Variants in MAST4 observed in about 807,000 individuals in gnomAD.
The protein encoded by MAST4 is microtubule-associated serine/threonine-protein kinase 4.
In MAST4, 89 loss-of-function variants were observed where a neutral mutation model predicts 162.7. The ratio of observed to expected loss-of-function variants is 0.55; its 90% CI spans 0.46 to 0.65. MAST4 has a LOEUF of 0.65. Among genes scored for constraint, MAST4 ranks in the 30% least tolerant of loss-of-function variants. MAST4 has a pLI of 0.00. For synonymous variants in MAST4, 1,479 were observed against 1,361.1 expected (o/e 1.09, Z -1.91); for missense variants, 3,153 against 3,374.0 (o/e 0.93, Z 1.62).
chr5:66,698,879 AC>A (rs1344096323), intron 1 of MAST4, among the ~76,000 whole-genome samples: 2 of 151,962 alleles, frequency 1.3e-5, no homozygotes, highest in African/African-American at 4.8e-5. Flanking sequence ...CATGGGCATA[AC>A]CCTTCTGTGG....
At chr5:66,815,642 T>G (rs921326430) in intron 3 of MAST4, among the ~76,000 whole-genome samples, 1 of 152,232 alleles carries the variant, frequency 6.6e-6, no homozygotes, top group Non-Finnish European at 1.5e-5. Flanking sequence ...TGGTAAAGCA[T>G]TCAGATTTTA....
chr5:66,837,622 A>G (rs1437648268), intron 3 of MAST4, among the ~76,000 whole-genome samples: 1 of 151,774 alleles, frequency 6.6e-6, no homozygotes, highest in Non-Finnish European at 1.5e-5. Context: ...TGCCCTATTG[A>G]ACCACCTGGA....
At chr5:66,911,554 A>C (rs1436239676) in intron 4 of MAST4, among the ~76,000 whole-genome samples, 3 of 50,302 alleles carry the variant, frequency 6.0e-5, no homozygotes, top group South Asian at 1.4e-3. Flanking sequence ...AACAAACAAC[A>C]ACAACCCCCC....
At chr5:66,622,234 A>G (rs1040000224) in intron 1 of MAST4, among the ~76,000 whole-genome samples, 1 of 152,160 alleles carries the variant, frequency 6.6e-6, no homozygotes, top group Non-Finnish European at 1.5e-5. Flanking sequence ...CCATGTGTCT[A>G]TCTGGAGAGA....
chr5:66,719,152 A>G (rs1325935979), intron 1 of MAST4, among the ~76,000 whole-genome samples: 1 of 152,218 alleles, frequency 6.6e-6, no homozygotes, highest in African/African-American at 2.4e-5. Context: ...ACAGTGGACC[A>G]GTGTGAGGTT....
At chr5:67,117,814 C>G (rs1397712194) in intron 12 of MAST4, among the ~76,000 whole-genome samples, 3 of 152,082 alleles carry the variant, frequency 2.0e-5, no homozygotes, top group African/African-American at 7.2e-5. Flanking sequence ...TCATCTACTT[C>G]TATAAATTCA....
intron 1 of MAST4, among the ~76,000 whole-genome samples, chr5:66,660,916 G>A (rs1356524552): frequency 6.6e-6 from 1 of 152,148 alleles, no homozygotes; most frequent in Non-Finnish European, 1.5e-5. Context: ...CTTCTTGAAA[G>A]CTTAATTTCT....
rs764836838 is a variant in MAST4 at position 67,164,953 on chromosome 5, C to T, written c.5774C>T (p.Ser1925Phe). 2.5e-6 allele frequency: 4 copies of T among 1,613,934 alleles called. No homozygotes were observed. The highest frequency in any genetic ancestry group is 1.7e-5 in the Admixed American group (1 of 60,014). ...ESNPQQREGS[S>F]PKHQDHTTDP... ...AATCCCCAACAGAGAGAGGGCAGCT[C>T]CCCTAAACACCAAGACCACACCACT... The change falls in exon 29 of 29, where the codon TCC becomes TTC. Residue 1925 changes from serine to phenylalanine, a missense_variant. Ser to Phe is a radical substitution (Grantham distance 155). Around this residue, in one of 7 missense-constraint regions of MAST4, gnomAD observed 1,644 missense variants for 1,495.0 expected, o/e 1.10. Transcript: ENST00000403625. The surrounding 1 kb of genome is among the most constrained non-coding windows in gnomAD (Gnocchi z 5.3).
chr5:67,060,249 C>T (rs1759393079), intron 5 of MAST4, among the ~76,000 whole-genome samples: 1 of 152,150 alleles, frequency 6.6e-6, no homozygotes, highest in African/African-American at 2.4e-5. Flanking sequence ...TCCCCTCAAT[C>T]TTGCAACTCG....
chr5:66,783,259 G>A lies in MAST4; in HGVS notation c.518-5411G>A, dbSNP rs569899108. Reference sequence around the variant, plus strand: ...CTGCTCACTTTATAATTTAATGTGTGTTGGGTAGCTCTTGGTGTTTCTTAT... The same window carrying A: ...CTGCTCACTTTATAATTTAATGTGTATTGGGTAGCTCTTGGTGTTTCTTAT... On this transcript the variant is annotated intron_variant, in intron 2 of 28. Coordinates refer to ENST00000403625, the MANE Select transcript of MAST4 (RefSeq NM_001164664.2). The A allele has an allele frequency of 3.7e-4, 57 of 152,298 alleles. 1 individual carries two copies. Among genetic ancestry groups the A allele is most frequent in the African/African-American group, 1.4e-3 (57 of 41,560 alleles). 9.4% of individuals were successfully genotyped at this position (152,298 alleles called of 1,614,324 possible).
chr5:66,889,233 C>T (rs553744492), intron 3 of MAST4, among the ~76,000 whole-genome samples: 11 of 152,240 alleles, frequency 7.2e-5, no homozygotes, highest in Non-Finnish European at 1.0e-4. Flanking sequence ...CACAGCTGTG[C>T]GGTGTTGCCT....
rs757843772 is a variant in MAST4 at position 66,596,955 on chromosome 5, C to T, written c.300C>T (p.Pro100=). 17 of 1,419,334 alleles carry T rather than the reference C, an allele frequency of 1.2e-5. No homozygotes were observed. In the South Asian group the frequency reaches 2.1e-4, roughly 17 times the overall value. The allele number at this position is 1,419,334 out of a possible 1,614,324, so 87.9% of individuals were successfully genotyped here. The change falls in exon 1 of 29, where the codon CCC becomes CCT. Residue 100 remains proline, a synonymous_variant. Transcript: ENST00000403625. ...RGVLALPPPL[P]GGAVPPAPRG... is the part of the protein sequence containing the mutation. ...TCCTTGCGCTGCCGCCGCCGCTTCC[C>T]GGAGGAGCTGTGCCGCCCGCGCCCC...
chr5:66,930,864 ATTG>A (rs1202704881), intron 4 of MAST4: 1 of 459,738 alleles, frequency 2.2e-6, no homozygotes, highest in South Asian at 1.6e-5. Flanking sequence ...GATGGATAGA[ATTG>A]TTGTGGCAGA....
chr5:67,045,741 T>C lies in MAST4; in HGVS notation c.675-8663T>C, dbSNP rs1446659698. ...GTATATACGCTCCAATTAGCAGCAG[T>C]TACAGGTAGATTTTTAAAGGAAAAG... On this transcript the variant is annotated intron_variant, in intron 4 of 28. Coordinates refer to ENST00000403625, the MANE Select transcript of MAST4 (RefSeq NM_001164664.2). 2.6e-5 allele frequency among the ~76,000 whole-genome samples: 4 copies of C among 152,188 alleles called. No individual in the cohort carries two copies. The East Asian group carries it at 7.7e-4, about 29-fold the overall frequency.
intron 1 of MAST4, among the ~76,000 whole-genome samples, chr5:66,673,706 G>A (rs1747773339): frequency 6.6e-6 from 1 of 152,008 alleles, no homozygotes; most frequent in Non-Finnish European, 1.5e-5. Flanking sequence ...GTGTTGGCCA[G>A]GCTGGTCTCA....
At chr5:66,694,423 C>T (rs1749258224) in intron 1 of MAST4, among the ~76,000 whole-genome samples, 1 of 152,148 alleles carries the variant, frequency 6.6e-6, no homozygotes, top group Non-Finnish European at 1.5e-5. Context: ...ACTGTTCTTT[C>T]TCCTTTAAAA....
intron 10 of MAST4, 105 bp from the exon 11 acceptor site, chr5:67,109,993 G>A (rs1281713063): frequency 2.6e-5 from 20 of 767,128 alleles, no homozygotes; most frequent in South Asian, 2.1e-4. Flanking sequence ...TAAATTACTC[G>A]ATTTTTGAAC....
intron 3 of MAST4, among the ~76,000 whole-genome samples, chr5:66,797,438 G>A (rs973433414): frequency 1.3e-5 from 2 of 152,040 alleles, no homozygotes; most frequent in Non-Finnish European, 1.5e-5. Context: ...TACTTATTCC[G>A]GGTTCATTGG....
chr5:67,048,870 T>A (rs1561575661), intron 4 of MAST4, among the ~76,000 whole-genome samples: 1 of 150,664 alleles, frequency 6.6e-6, no homozygotes, highest in Non-Finnish European at 1.5e-5. Flanking sequence ...AAGGTAACTG[T>A]TAATTTCTTT....
Sources: gnomAD v4.1 joint callset for allele counts (sites outside exome capture counted in the v4.1 genomes callset) on GRCh38, gnomAD v4.1.1 for gene constraint, gnomAD v4.1.1 regional missense constraint, Gnocchi (gnomAD v3.1) non-coding constraint, MANE v1.5 for transcripts, NCBI Gene and HGNC (gene_info 2026-07-23, HGNC 2026-07-21) for gene names.